SMAP1: variants seen among roughly 807,000 people sequenced by gnomAD.
SMAP1 encodes stromal membrane-associated protein 1.
SMAP1 carries 24 observed loss-of-function variants against 58.5 expected under a neutral mutation model. The ratio of observed to expected loss-of-function variants is 0.41; its 90% CI spans 0.30 to 0.58. The LOEUF (loss-of-function observed/expected upper bound fraction) is 0.58, where lower values mean the gene tolerates loss of function less well. Among genes scored for constraint, SMAP1 ranks in the 20% least tolerant of loss-of-function variants. SMAP1 has a pLI of 0.29. For synonymous variants in SMAP1, 216 were observed against 196.6 expected (o/e 1.10, Z -0.82); for missense variants, 563 against 566.3 (o/e 0.99, Z 0.06).
At chr6:70,708,383 C>G (rs1188747892) in intron 1 of SMAP1, among the ~76,000 whole-genome samples, 2 of 152,126 alleles carry the variant, frequency 1.3e-5, no homozygotes, top group African/African-American at 4.8e-5. Flanking sequence ...TGGACAAACA[C>G]TTAGGTCATT....
At chr6:70,859,600 A>G in intron 10 of SMAP1, 2 of 404,380 alleles carry the variant, frequency 4.9e-6, no homozygotes, top group Non-Finnish European at 8.8e-6. Context: ...TTCTCTTATC[A>G]CCAATTTTGG....
intron 7 of SMAP1, among the ~76,000 whole-genome samples, chr6:70,845,777 A>G (rs892384005): frequency 3.3e-5 from 5 of 152,230 alleles, no homozygotes; most frequent in African/African-American, 1.2e-4. Context: ...CCAGTGAGGT[A>G]GCAGGTAGAA....
intron 1 of SMAP1, among the ~76,000 whole-genome samples, chr6:70,715,793 A>G (rs1768244317): frequency 6.6e-6 from 1 of 151,984 alleles, no homozygotes; most frequent in Non-Finnish European, 1.5e-5. Flanking sequence ...TGGTTACATG[A>G]GTAAGTTCTT....
At chr6:70,858,826 T>TAAAAAGAGTACAAA (rs1554211154) in intron 10 of SMAP1, 6 of 152,952 alleles carry the variant, frequency 3.9e-5, no homozygotes, top group African/African-American at 1.4e-4. Flanking sequence ...CTTTTATGTT[T>TAAAAAGAGTACAAA]AAAAAGAGTA....
chr6:70,701,021 C>T (rs1003925201), intron 1 of SMAP1, among the ~76,000 whole-genome samples: 2 of 152,202 alleles, frequency 1.3e-5, no homozygotes, highest in African/African-American at 2.4e-5. Flanking sequence ...AAGGCAAAGT[C>T]GTCTTTACCC....
intron 1 of SMAP1, among the ~76,000 whole-genome samples, chr6:70,692,790 G>T (rs936208452): frequency 8.6e-5 from 13 of 151,914 alleles, no homozygotes; most frequent in African/African-American, 3.1e-4. Context: ...TCTATTTTTT[G>T]TTGTTGTTTT....
chr6:70,778,962 G>A (rs1450679968), intron 4 of SMAP1, among the ~76,000 whole-genome samples: 3 of 152,190 alleles, frequency 2.0e-5, no homozygotes, highest in South Asian at 2.1e-4. Context: ...GTGGCCAACC[G>A]GGCCAGTCAC....
At chr6:70,769,042 T>G (rs1409562988) in intron 3 of SMAP1, among the ~76,000 whole-genome samples, 1 of 152,324 alleles carries the variant, frequency 6.6e-6, no homozygotes, top group South Asian at 2.1e-4. Context: ...TTGTTCAGTT[T>G]CCATGTAGCT....
rs1765469777 is a variant in SMAP1, at chr6:70,732,515, A to G, written c.252+4A>G. On this transcript the variant is annotated splice_donor_region_variant and intron_variant, in intron 2 of 10. Coordinates refer to ENST00000370455, the MANE Select transcript of SMAP1 (RefSeq NM_001044305.3). ...ATGGACAGCAGAACAGATACAGGTA[A>G]ACATGACGTTACCAAGAAATTATTT... 6.6e-7 allele frequency: 1 copy of G among 1,524,836 alleles called. No homozygotes were observed. The highest frequency in any genetic ancestry group is 2.3e-5 in the East Asian group (1 of 42,772). The allele number at this position is 1,524,836 out of a possible 1,614,324, so 94.5% of individuals were successfully genotyped here.
intron 3 of SMAP1, among the ~76,000 whole-genome samples, chr6:70,770,655 T>C (rs565570275): frequency 1.4e-4 from 22 of 152,184 alleles, no homozygotes; most frequent in Non-Finnish European, 1.9e-4. Context: ...TTCGTCTGAA[T>C]TTTTTTCACA....
chr6:70,788,870 G>C (rs1309929940), intron 4 of SMAP1, among the ~76,000 whole-genome samples: 1 of 152,072 alleles, frequency 6.6e-6, no homozygotes, highest in East Asian at 1.9e-4. Context: ...GTTTTACTTC[G>C]AGAATGACAT....
At chr6:70,694,153 A>G (rs986637885) in intron 1 of SMAP1, 2 of 364,194 alleles carry the variant, frequency 5.5e-6, no homozygotes, top group Non-Finnish European at 1.1e-5. Flanking sequence ...TGCTACATCC[A>G]GTATCACCAC....
intron 4 of SMAP1, among the ~76,000 whole-genome samples, chr6:70,780,293 T>C (rs1347041339): frequency 6.6e-6 from 1 of 152,194 alleles, no homozygotes; most frequent in Non-Finnish European, 1.5e-5. Context: ...TTTGTCCTGT[T>C]GGCCAGGCAT....
chr6:70,837,839 G>A (rs1313840663), intron 7 of SMAP1: 2 of 1,277,028 alleles, frequency 1.6e-6, no homozygotes, highest in African/African-American at 3.1e-5. Flanking sequence ...TGGAAGAGTT[G>A]ACCTTCATGT....
chr6:70,679,274 C>G (rs1264691313), intron 1 of SMAP1, among the ~76,000 whole-genome samples: 4 of 152,120 alleles, frequency 2.6e-5, no homozygotes, highest in Admixed American at 2.6e-4. Context: ...CTGCCTTGGC[C>G]TCCCAAAGTG....
chr6:70,858,368 C>A, intron 10 of SMAP1, 139 bp downstream of exon 10: 1 of 650,138 alleles, frequency 1.5e-6, no homozygotes, highest in Non-Finnish European at 2.3e-6. Context: ...GTTATAGGGT[C>A]AAAAGTATCT....
chr6:70,730,223 T>G (rs1015613426), intron 1 of SMAP1, among the ~76,000 whole-genome samples: 1 of 152,158 alleles, frequency 6.6e-6, no homozygotes, highest in Non-Finnish European at 1.5e-5. Flanking sequence ...TGTGTAGTTT[T>G]CAATTTTTAT....
At chr6:70,801,074 A>T (rs1768828170) in intron 6 of SMAP1, among the ~76,000 whole-genome samples, 1 of 152,178 alleles carries the variant, frequency 6.6e-6, no homozygotes, top group Admixed American at 6.5e-5. Flanking sequence ...CTAGTTCTAG[A>T]TCCTTGGGGA....
intron 7 of SMAP1, among the ~76,000 whole-genome samples, chr6:70,847,606 A>G (rs1463080922): frequency 6.6e-6 from 1 of 152,076 alleles, no homozygotes; most frequent in East Asian, 1.9e-4. Context: ...TGCCTTTTCA[A>G]GGGGTCCTTT....
Sources: gnomAD v4.1 joint callset for allele counts (sites outside exome capture counted in the v4.1 genomes callset) on GRCh38, gnomAD v4.1.1 for gene constraint, MANE v1.5 for transcripts, NCBI Gene and HGNC (gene_info 2026-07-23, HGNC 2026-07-21) for gene names.